The following GPR107 variants were observed in gnomAD, a reference collection of about 807,000 sequenced individuals.
GPR107 encodes protein GPR107.
A neutral mutation model predicts 75.5 loss-of-function variants in GPR107; 31 were observed. The ratio of observed to expected loss-of-function variants is 0.41; its 90% confidence interval spans 0.31 to 0.55. GPR107 has a LOEUF of 0.55. Ranked by LOEUF, GPR107 falls within the 20% of genes least tolerant of loss-of-function variation. The pLI is 0.26. For missense variants in GPR107, 572 were observed against 665.7 expected (o/e 0.86, Z 1.55); for synonymous variants, 267 against 251.3 (o/e 1.06, Z -0.59).
At chr9:130,107,067 T>C (rs927751739) in intron 13 of GPR107, among the ~76,000 whole-genome samples, 1 of 152,204 alleles carries the variant, frequency 6.6e-6, no homozygotes, top group African/African-American at 2.4e-5. Context: ...TGCATGGTGC[T>C]GTATGTTCAC....
rs1831337029 is a variant in GPR107, at chr9:130,112,767, T to C, written c.1306+5228T>C. Among the ~76,000 whole-genome samples the C allele has an allele frequency of 6.6e-6, 1 of 152,084 alleles. No homozygotes were observed. Among genetic ancestry groups the C allele is most frequent in the South Asian group, 2.1e-4 (1 of 4,812 alleles). On this transcript the variant is annotated intron_variant, in intron 14 of 17. Transcript: ENST00000347136. The surrounding 1 kb of genome is among the most constrained non-coding windows in gnomAD (Gnocchi z 4.0). Reference sequence around the variant, plus strand: ...GTTGTTTTTTATTTATTTATTTTTTTGAGACAGGGTCTTGCACTGTTGCCC... The same window carrying C: ...GTTGTTTTTTATTTATTTATTTTTTCGAGACAGGGTCTTGCACTGTTGCCC...
At position 130,135,014 on chromosome 9, in the gene GPR107, TC is replaced by T; in HGVS notation, c.1563-9del. ...GAGATGTTCCTAATTGTTTTTTCTT[TC>T]CTTGTTCAGTGTGACAACATCTGGG... On this transcript the variant is annotated splice_polypyrimidine_tract_variant and intron_variant, in intron 17 of 17. Coordinates refer to ENST00000347136, the MANE Select transcript of GPR107 (RefSeq NM_020960.5). 6.6e-7 allele frequency: 1 copy of T among 1,525,122 alleles called. No homozygotes were observed. The highest frequency in any genetic ancestry group is 9.1e-7 in the Non-Finnish European group (1 of 1,100,590). The allele number at this position is 1,525,122 out of a possible 1,614,324, so 94.5% of individuals were successfully genotyped here.
chr9:130,101,273 G>C, intron 12 of GPR107, 50 bp downstream of exon 12: 1 of 987,678 alleles, frequency 1.0e-6, no homozygotes, highest in Non-Finnish European at 1.6e-6. Context: ...GCGCTTAGCA[G>C]GGCTCAGCTC....
rs1271469202 is a variant in GPR107 at position 130,070,198 on chromosome 9, C to T, written c.142-5438C>T. On this transcript the variant is annotated intron_variant, in intron 1 of 17. Transcript: ENST00000347136. Reference sequence around the variant, plus strand: ...TTTTTTTTTGGTAGAGATGGGTTTTCACCATGTTGCCCAGGCCGGCCTTAA... The same window carrying T: ...TTTTTTTTTGGTAGAGATGGGTTTTTACCATGTTGCCCAGGCCGGCCTTAA... Among the ~76,000 whole-genome samples the T allele has an allele frequency of 1.6e-3, 233 of 145,318 alleles. 1 individual carries two copies. Among genetic ancestry groups the T allele is most frequent in the African/African-American group, 5.8e-3 (229 of 39,290 alleles).
intron 14 of GPR107, among the ~76,000 whole-genome samples, chr9:130,117,374 T>A (rs1352471638): frequency 6.6e-6 from 1 of 152,122 alleles, no homozygotes; most frequent in African/African-American, 2.4e-5. Flanking sequence ...GGTCTTTGAG[T>A]GGGATTAGTG....
In GPR107 at chr9:130,127,531, C is replaced by A; in HGVS notation, c.1405C>A (p.Leu469Ile). Residue 469 changes from leucine to isoleucine, a missense_variant, in exon 16 of 18, where the codon CTC becomes ATC. Coordinates refer to ENST00000347136, the MANE Select transcript of GPR107 (RefSeq NM_020960.5). Reference protein sequence around the residue: ...FTRIIAFLLKLAVPFQWKWLY... With the variant: ...FTRIIAFLLKIAVPFQWKWLY... ...TAGGATCATTGCATTTCTCCTCAAA[C>A]TCGCTGTTCCATTCCAGTGGAAGTG... 6.2e-7 allele frequency: 1 copy of A among 1,603,328 alleles called. No homozygotes were observed. Among genetic ancestry groups the A allele is most frequent in the Non-Finnish European group, 8.5e-7 (1 of 1,170,138 alleles).
intron 1 of GPR107, among the ~76,000 whole-genome samples, chr9:130,062,451 A>T (rs1056770246): frequency 6.7e-6 from 1 of 148,174 alleles, no homozygotes; most frequent in African/African-American, 2.5e-5. Flanking sequence ...AATAATAATA[A>T]TAATAATAGC....
At chr9:130,113,951 T>G (rs1047972754) in intron 14 of GPR107, among the ~76,000 whole-genome samples, 1 of 149,428 alleles carries the variant, frequency 6.7e-6, no homozygotes, top group Non-Finnish European at 1.5e-5. Flanking sequence ...GCTGATTGAA[T>G]CAAATATGAG....
At chr9:130,116,951 T>G (rs1831440483) in intron 14 of GPR107, among the ~76,000 whole-genome samples, 1 of 125,890 alleles carries the variant, frequency 7.9e-6, no homozygotes, top group Non-Finnish European at 1.8e-5. Context: ...GAAATGTATT[T>G]TTTTTTTTTT....
intron 14 of GPR107, among the ~76,000 whole-genome samples, chr9:130,114,378 TATAC>T (rs1018163043): frequency 1.3e-5 from 2 of 151,834 alleles, no homozygotes; most frequent in African/African-American, 4.8e-5. Flanking sequence ...CGAAAAAATA[TATAC>T]ATATATTATT....
At chr9:130,066,767 C>T (rs1381474855) in intron 1 of GPR107, among the ~76,000 whole-genome samples, 7 of 151,986 alleles carry the variant, frequency 4.6e-5, no homozygotes, top group South Asian at 2.1e-4. Flanking sequence ...AGGCAGATCA[C>T]GAGGTCAGGA....
chr9:130,106,023 C>G (rs749522115), intron 13 of GPR107, among the ~76,000 whole-genome samples: 17 of 152,102 alleles, frequency 1.1e-4, no homozygotes, highest in African/African-American at 3.6e-4. Flanking sequence ...ATTAGTCACT[C>G]GGGTATCTAA....
chr9:130,084,047 CATATAT>C (rs139002438), intron 6 of GPR107, among the ~76,000 whole-genome samples: 2 of 130,908 alleles, frequency 1.5e-5, no homozygotes, highest in Admixed American at 8.1e-5. Flanking sequence ...AGAGAGCTAA[CATATAT>C]ATATATATAT....
rs148131265 is a variant in GPR107, at chr9:130,128,494, A to G, written c.1441-146A>G. ...TTTAGGCCTCGGCAAGTCTAAGGAAAATGCCCTGTAGCAGGAAGTGGCATC... is the reference window on the plus strand; with the variant it reads ...TTTAGGCCTCGGCAAGTCTAAGGAAGATGCCCTGTAGCAGGAAGTGGCATC... On this transcript the variant is annotated intron_variant, in intron 16 of 17. Coordinates refer to ENST00000347136, the MANE Select transcript of GPR107 (RefSeq NM_020960.5). 1,707 of 720,934 alleles carry G rather than the reference A, an allele frequency of 2.4e-3. 21 individuals are homozygous for G. The African/African-American group carries it at 0.026, about 11-fold the overall frequency. The allele number at this position is 720,934 out of a possible 1,614,324, so 44.7% of individuals were successfully genotyped here. A position where few individuals can be genotyped will look rare whatever the true frequency, so the allele number is the denominator to read the frequency against.
chr9:130,057,354 A>G (rs1269736783), intron 1 of GPR107, among the ~76,000 whole-genome samples: 1 of 152,034 alleles, frequency 6.6e-6, no homozygotes, highest in Non-Finnish European at 1.5e-5. Flanking sequence ...AACAACAGCA[A>G]CAAAAATTAG....
At chr9:130,072,722 G>T (rs4837450) in intron 1 of GPR107, among the ~76,000 whole-genome samples, 87,923 of 151,512 alleles carry the variant, frequency 0.58, 25,629 homozygotes, top group East Asian at 0.8. Context: ...ATTTATGTTG[G>T]GGGGGGAACT....
At chr9:130,092,869 T>C (rs1191740212) in intron 9 of GPR107, among the ~76,000 whole-genome samples, 1 of 152,148 alleles carries the variant, frequency 6.6e-6, no homozygotes, top group Non-Finnish European at 1.5e-5. Flanking sequence ...TCTGCCCACA[T>C]GGGCCTCCCA....
In GPR107 at chr9:130,136,738, G is replaced by T. The variant is rs559905496; in HGVS notation, c.*1617G>T. 6.6e-6 allele frequency: 1 copy of T among 152,380 alleles called. No individual in the cohort carries two copies. The highest frequency in any genetic ancestry group is 6.5e-5 in the Admixed American group (1 of 15,308). 9.4% of individuals were successfully genotyped at this position (152,380 alleles called of 1,614,324 possible). A position where few individuals can be genotyped will look rare whatever the true frequency, so the allele number is the denominator to read the frequency against. ...ATGAGGAAGCGGGTGTTCTTTTTCT[G>T]CACTTTGATTCGCCATCTGGGTTCT... On this transcript the variant is annotated 3_prime_UTR_variant, in exon 18 of 18. Transcript: ENST00000347136.
intron 1 of GPR107, among the ~76,000 whole-genome samples, chr9:130,059,498 TAAATA>T (rs1829876016): frequency 6.6e-6 from 1 of 151,302 alleles, no homozygotes; most frequent in African/African-American, 2.4e-5. Flanking sequence ...CAAAAAAAAA[TAAATA>T]AATAAAGCAA....
Sources: allele counts gnomAD v4.1 joint callset (sites outside exome capture counted in the v4.1 genomes callset), GRCh38; gene constraint gnomAD v4.1.1; non-coding constraint Gnocchi (gnomAD v3.1); transcripts MANE v1.5; gene names NCBI Gene and HGNC (gene_info 2026-07-23, HGNC 2026-07-21).